Variants in SCRIB observed in about 807,000 individuals in gnomAD.
The protein encoded by SCRIB is scribble planar cell polarity protein.
SCRIB carries 72 observed loss-of-function variants against 170.0 expected under a neutral mutation model. The observed-to-expected ratio is 0.42, with a 90% CI of 0.35 to 0.52. The LOEUF (loss-of-function observed/expected upper bound fraction) is 0.52, where lower values mean the gene tolerates loss of function less well. Ranked by LOEUF, SCRIB falls within the 20% of genes least tolerant of loss-of-function variation. The probability of loss-of-function intolerance (pLI) is 0.02; values close to 1 mark genes in which losing one functional copy is unlikely to be tolerated. For missense variants in SCRIB, 2,475 were observed against 2,338.5 expected (o/e 1.06, Z -1.20); for synonymous variants, 1,298 against 1,044.3 (o/e 1.24, Z -4.68).
At chr8:143,811,401 G>C in intron 9 of SCRIB, 56 bp from the exon 10 acceptor site, 2 of 1,510,764 alleles carry the variant, frequency 1.3e-6, no homozygotes, top group Non-Finnish European at 1.8e-6. Flanking sequence ...GTGGGAAGGA[G>C]ATGACAGCCC....
rs368417816 is a variant in SCRIB at position 143,810,491 on chromosome 8, C to T, written c.1518G>A (p.Leu506=). ...GCTCCATGCCCACCTCCTCTGCAGG[C>T]AAGGGCGACCCAGAGTCTGGCTGGC... ...CPCQPDSGSP[L]PAEEEKRLSA... is the part of the protein sequence containing the mutation. Residue 506 remains leucine, a synonymous_variant, in exon 13 of 37, where the codon TTG becomes TTA. Transcript: ENST00000356994. The T allele has an allele frequency of 2.4e-5, 38 of 1,609,334 alleles. No individual in the cohort carries two copies. Among genetic ancestry groups the T allele is most frequent in the East Asian group, 6.7e-5 (3 of 44,872 alleles).
chr8:143,812,654 G>A (rs1004145035), intron 8 of SCRIB, among the ~76,000 whole-genome samples, 163 bp downstream of exon 8: 4 of 152,072 alleles, frequency 2.6e-5, no homozygotes, highest in Non-Finnish European at 4.4e-5. Flanking sequence ...AGCCTTCTGG[G>A]CTGCCCCAGG....
chr8:143,803,437 G>C lies in SCRIB; in HGVS notation c.3549C>G (p.Thr1183=), dbSNP rs1554635415. 1.3e-6 allele frequency: 2 copies of C among 1,596,692 alleles called. No homozygotes were observed. The highest frequency in any genetic ancestry group is 1.7e-6 in the Non-Finnish European group (2 of 1,177,694). ...AGCCGTCACAGACCAGCACGGTGAG[G>C]GTGTCGCCCACACTGCGGAGCAGCT... The part of the protein sequence containing the change: ...AVQLLRSVGD[T]LTVLVCDGFE... The change falls in exon 24 of 37, where the codon ACC becomes ACG. Residue 1183 remains threonine, a synonymous_variant. Coordinates refer to ENST00000356994, the MANE Select transcript of SCRIB (RefSeq NM_182706.5).
intron 15 of SCRIB, among the ~76,000 whole-genome samples, 153 bp from the exon 16 acceptor site, chr8:143,807,767 G>A (rs559212139): frequency 1.9e-4 from 29 of 152,198 alleles, no homozygotes; most frequent in Non-Finnish European, 3.2e-4. Context: ...TCCTGGAGGC[G>A]TGAGTGACAC....
At chr8:143,812,791 A>C (rs1563807575) in intron 8 of SCRIB, 26 bp downstream of exon 8, 8 of 1,591,224 alleles carry the variant, frequency 5.0e-6, no homozygotes, top group Non-Finnish European at 5.1e-6. Flanking sequence ...CGTGTGCCCC[A>C]CCCAGGCACC....
rs1453481237 is a variant in SCRIB at position 143,806,796 on chromosome 8, G to A, written c.2268+128C>T. The A allele has an allele frequency of 1.9e-5, 14 of 723,726 alleles. No individual in the cohort carries two copies. In the African/African-American group the frequency reaches 2.3e-4, roughly 12 times the overall value. 44.8% of individuals were successfully genotyped at this position (723,726 alleles called of 1,614,324 possible). ...ACTTCGGGATCCCACAACAGTAGGT[G>A]CCTTGGGCCCAGCCCGTGTCCCCAG... On this transcript the variant is annotated intron_variant, in intron 17 of 36. Coordinates refer to ENST00000356994, the MANE Select transcript of SCRIB (RefSeq NM_182706.5).
intron 1 of SCRIB, 157 bp downstream of exon 1, chr8:143,815,057 G>A: frequency 1.2e-6 from 1 of 844,084 alleles, no homozygotes; most frequent in Non-Finnish European, 1.7e-6. Flanking sequence ...AGGGCGGCTG[G>A]AAGAGAAGGG....
rs1217293562 is a variant in SCRIB, at chr8:143,794,912, T to C, written c.3846+126A>G. ...GCTGGGGTAGCCTGCAGGTCAGACG[T>C]GGCCTCCTCCCACCCCAGCCCCCGC... is the stretch of plus-strand genomic sequence containing the variant. On this transcript the variant is annotated intron_variant, in intron 27 of 36. Coordinates refer to ENST00000356994, the MANE Select transcript of SCRIB (RefSeq NM_182706.5). 6 of 833,864 alleles carry C rather than the reference T, an allele frequency of 7.2e-6. No homozygotes were observed. In the African/African-American group the frequency reaches 8.4e-5, roughly 12 times the overall value. The allele number at this position is 833,864 out of a possible 1,614,324, so 51.7% of individuals were successfully genotyped here. A position where few individuals can be genotyped will look rare whatever the true frequency, so the allele number is the denominator to read the frequency against.
intron 8 of SCRIB, 37 bp from the exon 9 acceptor site, chr8:143,812,421 G>T: frequency 4.7e-6 from 7 of 1,479,614 alleles, no homozygotes; most frequent in South Asian, 1.1e-5. Context: ...GGCTGAGCAT[G>T]GTCCCCAGAC....
chr8:143,811,110 C>T, intron 10 of SCRIB, 36 bp downstream of exon 10: 1 of 1,604,460 alleles, frequency 6.2e-7, no homozygotes, highest in Middle Eastern at 1.7e-4. Flanking sequence ...GGCGTTGGGG[C>T]CACGGTTAGG....
chr8:143,800,577 C>G (rs1224611050), intron 24 of SCRIB, among the ~76,000 whole-genome samples: 1 of 152,254 alleles, frequency 6.6e-6, no homozygotes, highest in African/African-American at 2.4e-5. Flanking sequence ...AAAAGCTCGA[C>G]ATAAAGATAA....
chr8:143,800,454 G>A (rs1397064072), intron 24 of SCRIB, among the ~76,000 whole-genome samples: 1 of 152,228 alleles, frequency 6.6e-6, no homozygotes, highest in Non-Finnish European at 1.5e-5. Flanking sequence ...GGAGAGGCCC[G>A]AAGGGGGAAG....
rs557001467 is a variant in SCRIB at position 143,813,157 on chromosome 8, G to A, written c.568-53C>T. 59 of 1,579,156 alleles carry A rather than the reference G, an allele frequency of 3.7e-5. 1 individual carries two copies. In the Middle Eastern group the frequency reaches 5.7e-4, roughly 15 times the overall value. ...ACTATGAGGCAAAGCCTCCTGCTGC[G>A]CCGTGCTCAAGAGACTATACGCCCC... On this transcript the variant is annotated intron_variant, in intron 6 of 36. Coordinates refer to ENST00000356994, the MANE Select transcript of SCRIB (RefSeq NM_182706.5).
rs1357844181 is a variant in SCRIB at position 143,791,867 on chromosome 8, GCTC to G, written c.4695+6_4695+8del. 2 of 1,534,710 alleles carry G rather than the reference GCTC, an allele frequency of 1.3e-6. No individual in the cohort carries two copies. The highest frequency in any genetic ancestry group is 1.2e-5 in the South Asian group (1 of 81,998). On this transcript the variant is annotated splice_donor_region_variant and intron_variant, in intron 34 of 36. Transcript: ENST00000356994. Reference sequence around the variant, plus strand: ...GGGTGAAGGGAAGGCATAGCCACCGGCTCCTCACCAGGCGTCCCGGGGAGGTGC... The same window carrying G: ...GGGTGAAGGGAAGGCATAGCCACCGGCTCACCAGGCGTCCCGGGGAGGTGC...
intron 24 of SCRIB, among the ~76,000 whole-genome samples, chr8:143,801,211 C>G (rs920281097): frequency 1.1e-4 from 16 of 152,238 alleles, no homozygotes; most frequent in African/African-American, 3.9e-4. Flanking sequence ...ACTGTGGGGA[C>G]AGCTATGCAT....
Position 143,812,867 on chromosome 8 carries a change from G to C in SCRIB, c.737C>G (p.Thr246Ser). The C allele has an allele frequency of 6.2e-7, 1 of 1,607,612 alleles. No individual in the cohort carries two copies. The highest frequency in any genetic ancestry group is 1.1e-5 in the South Asian group (1 of 91,078). The change falls in exon 8 of 37, where the codon ACT becomes AGT. Residue 246 changes from threonine to serine, a missense_variant. By Grantham distance (58) the Thr-to-Ser change is moderately conservative. Coordinates refer to ENST00000356994, the MANE Select transcript of SCRIB (RefSeq NM_182706.5). ...CAGGTTCTGGGACAGCAGCAGGTCAGTGAGCAGCACCAGCCCGCCGAGCTC... is the reference window on the plus strand; with the variant it reads ...CAGGTTCTGGGACAGCAGCAGGTCACTGAGCAGCACCAGCCCGCCGAGCTC... ...PAELGGLVLL[T>S]DLLLSQNLLR...
In SCRIB at chr8:143,792,366, G is replaced by C; in HGVS notation, c.4368C>G (p.Ala1456=). The change falls in exon 32 of 37, where the codon GCC becomes GCG. Residue 1456 remains alanine (A), a synonymous_variant. Coordinates refer to ENST00000356994, the MANE Select transcript of SCRIB (RefSeq NM_182706.5). Reference sequence around the variant, plus strand: ...GTTCAGCTTTGGCCGTCCGCACCGGGGCGCCACCTCCCAGGGGTGGGGGGG... The same window carrying C: ...GTTCAGCTTTGGCCGTCCGCACCGGCGCGCCACCTCCCAGGGGTGGGGGGG... ...PASPPPLGGG[A]PVRTAKAERR... 1 of 1,529,244 alleles carries C rather than the reference G, an allele frequency of 6.5e-7. No individual in the cohort carries two copies. The highest frequency in any genetic ancestry group is 8.7e-7 in the Non-Finnish European group (1 of 1,143,690). 94.7% of individuals were successfully genotyped at this position (1,529,244 alleles called of 1,614,324 possible).
At position 143,792,554 on chromosome 8, in the gene SCRIB, C is replaced by T. The variant is rs1554633130; in HGVS notation, c.4259G>A (p.Gly1420Glu). The part of the protein sequence containing the change: ...AGAEARLALD[G>E]ETLGEEEQED... ...CTGTTCCTCCTCGCCCAGCGTCTCC[C>T]CGTCCAGGGCGAGCCTCGCTTCGGC... The change falls in exon 31 of 37, where the codon GGG (glycine) becomes GAG (glutamate). Residue 1420 changes from glycine (G) to glutamate (E), a missense_variant. This residue lies in a region of SCRIB where 1,966 missense variants were observed against 1,742.9 expected (regional missense o/e 1.13). Transcript: ENST00000356994. 1.9e-6 allele frequency: 3 copies of T among 1,565,210 alleles called. No homozygotes were observed. The East Asian group carries it at 7.0e-5, about 36-fold the overall frequency.
chr8:143,804,988 C>A lies in SCRIB; in HGVS notation c.2697G>T (p.Glu899Asp). 1 of 1,585,824 alleles carries A rather than the reference C, an allele frequency of 6.3e-7. No homozygotes were observed. Residue 899 changes from glutamate to aspartate, a missense_variant, in exon 20 of 37, where the codon GAG becomes GAT. Transcript: ENST00000356994. ...TGCCCGCGCGGTGAGCAGCACCGCCCTCGGCAATGCGGGAGACGAAGATGC... is the reference window on the plus strand; with the variant it reads ...TGCCCGCGCGGTGAGCAGCACCGCCATCGGCAATGCGGGAGACGAAGATGC... ...DAGIFVSRIAEGGAAHRAGTL... is the reference protein window; with the variant it reads ...DAGIFVSRIADGGAAHRAGTL...
Sources: gnomAD v4.1 joint callset for allele counts (sites outside exome capture counted in the v4.1 genomes callset) on GRCh38, gnomAD v4.1.1 for gene constraint, gnomAD v4.1.1 regional missense constraint, MANE v1.5 for transcripts, NCBI Gene and HGNC (gene_info 2026-07-23, HGNC 2026-07-21) for gene names.